The following IL1RAPL2 variants were observed in gnomAD, a reference collection of about 807,000 sequenced individuals.
The protein encoded by IL1RAPL2 is interleukin 1 receptor accessory protein like 2.
IL1RAPL2 carries 3 observed loss-of-function variants against 44.1 expected under a neutral mutation model. That is an observed-to-expected ratio of 0.07 (90% CI 0.03 to 0.18). The LOEUF is 0.18. Among genes scored for constraint, IL1RAPL2 ranks in the 10% least tolerant of loss-of-function variants. The pLI, the probability that IL1RAPL2 is intolerant of heterozygous loss-of-function variation, is 1.00. For synonymous variants in IL1RAPL2, 181 were observed against 178.8 expected (o/e 1.01, Z -0.10); for missense variants, 391 against 496.4 (o/e 0.79, Z 2.02).
At chrX:105,059,432 C>T (rs2032042548) in intron 2 of IL1RAPL2, among the ~76,000 whole-genome samples, 1 of 112,361 alleles carries the variant, frequency 8.9e-6, no homozygotes, top group Non-Finnish European at 1.9e-5. Context: ...CCAATTTCAT[C>T]CATGTTGTTG....
intron 5 of IL1RAPL2, among the ~76,000 whole-genome samples, chrX:105,428,211 A>T (rs1468584151): frequency 8.9e-6 from 1 of 111,831 alleles, no homozygotes; most frequent in African/African-American, 3.2e-5. Context: ...GATTTCTTAC[A>T]TATAGACAGT....
chrX:104,816,693 G>T (rs1357937240), intron 2 of IL1RAPL2, among the ~76,000 whole-genome samples: 2 of 112,126 alleles, frequency 1.8e-5, no homozygotes, highest in African/African-American at 6.5e-5. Context: ...AAAAGAGGAG[G>T]TATAGCCCAA....
intron 2 of IL1RAPL2, among the ~76,000 whole-genome samples, chrX:105,069,315 G>T (rs1183119754): frequency 8.9e-6 from 1 of 112,456 alleles, no homozygotes; most frequent in Non-Finnish European, 1.9e-5. Flanking sequence ...AATATTAAGT[G>T]AATAAAAATA....
intron 8 of IL1RAPL2, among the ~76,000 whole-genome samples, chrX:105,742,601 C>T (rs149217345): frequency 5.5e-4 from 61 of 111,620 alleles, no homozygotes; most frequent in African/African-American, 1.7e-3. Flanking sequence ...GTCATGTTAA[C>T]TGACAATGTT....
intron 2 of IL1RAPL2, among the ~76,000 whole-genome samples, chrX:104,789,297 C>G (rs978822424): frequency 1.8e-5 from 2 of 111,651 alleles, no homozygotes; most frequent in Non-Finnish European, 3.8e-5. Context: ...CTCATCCCTC[C>G]CTCTTCCTTC....
intron 2 of IL1RAPL2, among the ~76,000 whole-genome samples, chrX:105,033,415 C>A (rs990987296): frequency 2.4e-4 from 27 of 111,175 alleles, no homozygotes; most frequent in African/African-American, 8.5e-4. Flanking sequence ...TTAGGGCAGG[C>A]CTGGTGGTGA....
chrX:104,948,901 T>A lies in IL1RAPL2; in HGVS notation c.83-246574T>A, dbSNP rs1291371922. On this transcript the variant is annotated intron_variant, in intron 2 of 10. Coordinates refer to ENST00000372582, the MANE Select transcript of IL1RAPL2 (RefSeq NM_017416.2). ...TCTCTTTTTTGGTTGTGTCTCTGCC[T>A]GGCTTTGGTATCAGGATGATGCTGG... 5.4e-4 allele frequency among the ~76,000 whole-genome samples: 59 copies of A among 109,366 alleles called. 1 individual carries two copies. The highest frequency in any genetic ancestry group is 4.4e-3 in the Admixed American group (45 of 10,233). 95.0% of individuals were successfully genotyped at this position (109,366 alleles called of 115,157 possible).
chrX:105,423,867 T>TA (rs111770482), intron 5 of IL1RAPL2, among the ~76,000 whole-genome samples: 7,275 of 86,051 alleles, frequency 0.085, 721 homozygotes, highest in African/African-American at 0.27. Context: ...TGGAAACAAG[T>TA]AAAAAAAAAA....
At chrX:105,009,684 G>T (rs1323804832) in intron 2 of IL1RAPL2, among the ~76,000 whole-genome samples, 1 of 108,772 alleles carries the variant, frequency 9.2e-6, no homozygotes, top group East Asian at 2.9e-4. Flanking sequence ...CACCAACATG[G>T]CACATGTATA....
intron 3 of IL1RAPL2, among the ~76,000 whole-genome samples, chrX:105,231,633 GC>G (rs1216700506): frequency 1.8e-5 from 2 of 112,143 alleles, no homozygotes; most frequent in Non-Finnish European, 3.8e-5. Context: ...CAAATTCCTT[GC>G]CCTTTTTAGT....
intron 2 of IL1RAPL2, among the ~76,000 whole-genome samples, chrX:104,877,765 G>C (rs1426078780): frequency 9.1e-6 from 1 of 110,467 alleles, no homozygotes; most frequent in African/African-American, 3.3e-5. Flanking sequence ...TTTTTCTTGA[G>C]ACATACCCAG....
chrX:105,085,795 C>T (rs1405329063), intron 2 of IL1RAPL2, among the ~76,000 whole-genome samples: 2 of 111,668 alleles, frequency 1.8e-5, no homozygotes, highest in African/African-American at 6.5e-5. Context: ...TTACTGGAAG[C>T]CTTACTGATA....
At chrX:104,706,790 T>G (rs767828221) in intron 2 of IL1RAPL2, among the ~76,000 whole-genome samples, 5 of 111,846 alleles carry the variant, frequency 4.5e-5, no homozygotes, top group Admixed American at 9.6e-5. Context: ...CCGTACTTTT[T>G]AGCTTAGCTA....
intron 2 of IL1RAPL2, among the ~76,000 whole-genome samples, chrX:104,903,379 G>A (rs1448896212): frequency 9.0e-6 from 1 of 110,691 alleles, no homozygotes; most frequent in Non-Finnish European, 1.9e-5. Context: ...AACTTTCTAA[G>A]GAGAATCTTC....
At chrX:105,278,999 CT>C (rs2034507657) in intron 5 of IL1RAPL2, among the ~76,000 whole-genome samples, 1 of 111,413 alleles carries the variant, frequency 9.0e-6, no homozygotes, top group Non-Finnish European at 1.9e-5. Context: ...ATTTTTTCTC[CT>C]GAATTCCCTC....
intron 1 of IL1RAPL2, among the ~76,000 whole-genome samples, chrX:104,567,486 G>T (rs761509238): frequency 3.9e-4 from 44 of 112,652 alleles, no homozygotes; most frequent in Middle Eastern, 4.6e-3. Context: ...GAGCAGCGAG[G>T]GGTTCCCCAG....
chrX:104,934,004 A>T (rs1315040616), intron 2 of IL1RAPL2, among the ~76,000 whole-genome samples: 3 of 112,185 alleles, frequency 2.7e-5, no homozygotes, highest in Non-Finnish European at 5.6e-5. Flanking sequence ...GAAAGAACAC[A>T]TTTATAAAAA....
Position 105,675,419 on chromosome X carries a change from CAT to C in IL1RAPL2, c.773-41947_773-41946del, listed in dbSNP as rs768203018. Among the ~76,000 whole-genome samples the C allele has an allele frequency of 1.5e-3, 164 of 111,608 alleles. 1 individual carries two copies. Among genetic ancestry groups the C allele is most frequent in the African/African-American group, 5.1e-3 (158 of 30,739 alleles). ...CCTTTTCTGCATCTATTGAGATAATCATGTGGTTTTTGTCTTTAGATCTATTT... is the reference window on the plus strand; with the variant it reads ...CCTTTTCTGCATCTATTGAGATAATCGTGGTTTTTGTCTTTAGATCTATTT... On this transcript the variant is annotated intron_variant, in intron 6 of 10. Transcript: ENST00000372582.
intron 2 of IL1RAPL2, among the ~76,000 whole-genome samples, chrX:104,723,657 A>G (rs1602697972): frequency 9.0e-6 from 1 of 110,859 alleles, no homozygotes; most frequent in East Asian, 2.9e-4. Context: ...AGAAATGACA[A>G]GGAATTTGGC....
Sources: allele counts gnomAD v4.1 joint callset (sites outside exome capture counted in the v4.1 genomes callset), GRCh38; gene constraint gnomAD v4.1.1; transcripts MANE v1.5; gene names NCBI Gene and HGNC (gene_info 2026-07-23, HGNC 2026-07-21).